Variants in SPAG16 observed in about 807,000 individuals in gnomAD.
The protein encoded by SPAG16 is sperm associated antigen 16.
SPAG16 carries 86 observed loss-of-function variants against 80.4 expected under a neutral mutation model. That is an observed-to-expected ratio of 1.07 (90% CI 0.90 to 1.28). SPAG16 has a LOEUF of 1.28. Among genes scored for constraint, SPAG16 ranks in the 50% most tolerant of loss-of-function variants. SPAG16 has a pLI of 0.00. For synonymous variants in SPAG16, 294 were observed against 265.9 expected, an observed-to-expected ratio of 1.11 and a Z score of -1.03; for missense variants, 870 against 765.3, an observed-to-expected ratio of 1.14 and a Z score of -1.61.
chr2:213,728,635 G>A (rs1169228773), intron 10 of SPAG16, among the ~76,000 whole-genome samples: 1 of 152,040 alleles, frequency 6.6e-6, no homozygotes, highest in Non-Finnish European at 1.5e-5. Flanking sequence ...CAGCACTTTG[G>A]GAGGCCGAAG....
In SPAG16 at chr2:214,149,170, G is replaced by A; in HGVS notation, c.1624G>A (p.Gly542Arg). ...GHMIASCDAC[G>R]VTKLWDFRKL... ...CATGATAGCATCCTGTGATGCCTGTGGGGTTACAAAGCTGTGGGACTTTCG... is the reference window on the plus strand; with the variant it reads ...CATGATAGCATCCTGTGATGCCTGTAGGGTTACAAAGCTGTGGGACTTTCG... Residue 542 changes from glycine to arginine, a missense_variant, in exon 15 of 16, where the codon GGG becomes AGG. Physicochemically the swap from Gly to Arg is moderately radical, Grantham distance 125. Coordinates refer to ENST00000331683, the MANE Select transcript of SPAG16 (RefSeq NM_024532.5). 2 of 1,592,052 alleles carry A rather than the reference G, an allele frequency of 1.3e-6. No homozygotes were observed. The highest frequency in any genetic ancestry group is 1.7e-5 in the Admixed American group (1 of 57,852).
intron 10 of SPAG16, among the ~76,000 whole-genome samples, chr2:213,587,645 CTT>C (rs1396179557): frequency 1.3e-5 from 2 of 151,248 alleles, no homozygotes; most frequent in African/African-American, 4.9e-5. Flanking sequence ...CCAGAACACA[CTT>C]TCTTATTCCT....
intron 15 of SPAG16, among the ~76,000 whole-genome samples, chr2:214,163,166 A>G (rs1346363005): frequency 6.6e-6 from 1 of 152,108 alleles, no homozygotes; most frequent in East Asian, 1.9e-4. Flanking sequence ...AGATACATAT[A>G]TATGAATAAT....
At chr2:213,504,113 G>A (rs1046942748) in intron 10 of SPAG16, among the ~76,000 whole-genome samples, 1 of 152,208 alleles carries the variant, frequency 6.6e-6, no homozygotes, top group Non-Finnish European at 1.5e-5. Context: ...CAATAGTGGT[G>A]GAATGATTGT....
intron 1 of SPAG16, among the ~76,000 whole-genome samples, chr2:213,294,237 A>G (rs892641459): frequency 1.4e-4 from 22 of 152,106 alleles, no homozygotes; most frequent in African/African-American, 5.3e-4. Flanking sequence ...CAGTATCTGG[A>G]GTAGGGTGTT....
intron 11 of SPAG16, among the ~76,000 whole-genome samples, chr2:213,871,811 A>C (rs73986974): frequency 0.015 from 2,247 of 151,388 alleles, 61 homozygotes; most frequent in African/African-American, 0.052. Context: ...CATGGAATAC[A>C]GACTTTACTG....
At chr2:214,234,743 T>C (rs1220710990) in intron 15 of SPAG16, among the ~76,000 whole-genome samples, 1 of 152,168 alleles carries the variant, frequency 6.6e-6, no homozygotes, top group African/African-American at 2.4e-5. Flanking sequence ...TGTTTTTTTC[T>C]TGTAAATTTT....
At chr2:213,609,490 G>A (rs778411602) in intron 10 of SPAG16, among the ~76,000 whole-genome samples, 1 of 152,116 alleles carries the variant, frequency 6.6e-6, no homozygotes, top group African/African-American at 2.4e-5. Context: ...TCTTCTGGAT[G>A]CTAAGTTGGT....
At chr2:213,309,505 T>G (rs1252854014) in intron 3 of SPAG16, among the ~76,000 whole-genome samples, 1 of 152,096 alleles carries the variant, frequency 6.6e-6, no homozygotes, top group East Asian at 1.9e-4. Context: ...TTTTTTCTTT[T>G]TTTTGATTAA....
intron 10 of SPAG16, among the ~76,000 whole-genome samples, chr2:213,673,291 T>C (rs2063895386): frequency 6.6e-6 from 1 of 152,280 alleles, no homozygotes; most frequent in Admixed American, 6.5e-5. Context: ...ATCTAAAAAA[T>C]GGTTTATAAA....
intron 9 of SPAG16, among the ~76,000 whole-genome samples, chr2:213,408,229 C>T (rs2068774159): frequency 6.6e-6 from 1 of 152,130 alleles, no homozygotes; most frequent in African/African-American, 2.4e-5. Flanking sequence ...ACTCCAATAC[C>T]ACCTTGTTGT....
At chr2:213,335,315 T>A (rs932238689) in intron 5 of SPAG16, among the ~76,000 whole-genome samples, 2 of 152,178 alleles carry the variant, frequency 1.3e-5, no homozygotes, top group African/African-American at 4.8e-5. Context: ...TGTATTCCTA[T>A]TTTAAATACA....
chr2:213,869,253 C>CA (rs1329869756), intron 11 of SPAG16, among the ~76,000 whole-genome samples: 13,121 of 81,674 alleles, frequency 0.16, 2,285 homozygotes, highest in Non-Finnish European at 0.24. Context: ...AAGTCCATGT[C>CA]AAAAAAAAAA....
At chr2:213,614,765 CTTAAA>C (rs1287541538) in intron 10 of SPAG16, among the ~76,000 whole-genome samples, 1 of 152,206 alleles carries the variant, frequency 6.6e-6, no homozygotes, top group Non-Finnish European at 1.5e-5. Flanking sequence ...TTAGTATAAT[CTTAAA>C]TTAAGATTGG....
At position 214,289,118 on chromosome 2, in the gene SPAG16, A is replaced by C. The variant is rs1303650227; in HGVS notation, c.1721-121022A>C. ...TTGTTGTTGTTGATGAGTTGTTTTG[A>C]GTTTCTTGTATATTTCAGATATTAG... is the stretch of plus-strand genomic sequence containing the variant. On this transcript the variant is annotated intron_variant, in intron 15 of 15. Coordinates refer to ENST00000331683, the MANE Select transcript of SPAG16 (RefSeq NM_024532.5). 4.6e-5 allele frequency among the ~76,000 whole-genome samples: 7 copies of C among 152,116 alleles called. No individual in the cohort carries two copies. In the East Asian group the frequency reaches 1.2e-3, roughly 25 times the overall value.
intron 10 of SPAG16, among the ~76,000 whole-genome samples, chr2:213,793,109 G>C (rs970802037): frequency 2.6e-5 from 4 of 151,884 alleles, no homozygotes; most frequent in South Asian, 4.1e-4. Context: ...GTTATTTTTA[G>C]TACAGACGGG....
chr2:213,806,538 T>TA (rs551061885), intron 10 of SPAG16, among the ~76,000 whole-genome samples: 16 of 152,066 alleles, frequency 1.1e-4, no homozygotes, highest in Non-Finnish European at 2.2e-4. Context: ...TTTTCTTTAA[T>TA]AAAAAAACTC....
intron 10 of SPAG16, among the ~76,000 whole-genome samples, chr2:213,636,270 G>A (rs545747637): frequency 7.9e-4 from 120 of 152,156 alleles, no homozygotes; most frequent in African/African-American, 2.8e-3. Context: ...AAGTATTTGG[G>A]TTTATTTGGG....
chr2:213,866,610 C>G (rs527334974), intron 11 of SPAG16, among the ~76,000 whole-genome samples: 1 of 144,528 alleles, frequency 6.9e-6, no homozygotes, highest in South Asian at 2.1e-4. Flanking sequence ...ATAAGATCTG[C>G]CAGGTGAATG....
Sources: allele counts gnomAD v4.1 joint callset (sites outside exome capture counted in the v4.1 genomes callset), GRCh38; gene constraint gnomAD v4.1.1; transcripts MANE v1.5; gene names NCBI Gene and HGNC (gene_info 2026-07-23, HGNC 2026-07-21).